PATL2: variants seen among roughly 807,000 people sequenced by gnomAD.
PATL2 encodes protein PAT1 homolog 2.
Under a neutral mutation model 77.0 loss-of-function variants are expected in PATL2, and 73 were observed. That is an observed-to-expected ratio of 0.95 (90% CI 0.78 to 1.15). PATL2 has a LOEUF of 1.15. Among genes scored for constraint, PATL2 ranks in the 50% most tolerant of loss-of-function variants. PATL2 has a pLI of 0.00. For missense variants in PATL2, 618 were observed against 655.4 expected (o/e 0.94, Z 0.62); for synonymous variants, 265 against 257.1 (o/e 1.03, Z -0.29).
chr15:44,710,358 C>T (rs1383302419), intron 2 of PATL2, among the ~76,000 whole-genome samples, 144 bp from the exon 3 acceptor site: 1 of 152,182 alleles, frequency 6.6e-6, no homozygotes, highest in African/African-American at 2.4e-5. Context: ...TCTCACTGTT[C>T]CTCTTAGAAA....
At chr15:44,687,141 G>A (rs1423562006) in intron 3 of PATL2, among the ~76,000 whole-genome samples, 2 of 152,190 alleles carry the variant, frequency 1.3e-5, no homozygotes, top group Non-Finnish European at 2.9e-5. Flanking sequence ...GATGAACATT[G>A]ATGTGAAAGT....
intron 4 of PATL2, 50 bp downstream of exon 4, chr15:44,676,425 C>A (rs1212517315): frequency 1.4e-6 from 2 of 1,470,510 alleles, no homozygotes; most frequent in East Asian, 2.5e-5. Context: ...GACCAGCAAC[C>A]TCTGCATGCT....
At chr15:44,690,909 T>C (rs933031490) in intron 3 of PATL2, among the ~76,000 whole-genome samples, 1 of 152,124 alleles carries the variant, frequency 6.6e-6, no homozygotes, top group Admixed American at 6.5e-5. Context: ...AATTCTTTAC[T>C]TTAGTTAAGT....
chr15:44,703,270 C>A (rs2086667385), intron 3 of PATL2, among the ~76,000 whole-genome samples: 2 of 152,130 alleles, frequency 1.3e-5, no homozygotes, highest in Non-Finnish European at 2.9e-5. Flanking sequence ...AGCAAGACTG[C>A]ATCTCAAAAA....
At chr15:44,675,219 C>T (rs556457982) in intron 5 of PATL2, 15 of 427,732 alleles carry the variant, frequency 3.5e-5, no homozygotes, top group African/African-American at 1.0e-4. Context: ...TCACCTTTAA[C>T]GCTAGTAGCA....
chr15:44,672,532 G>T, intron 7 of PATL2, 76 bp from the exon 8 acceptor site: 2 of 1,411,114 alleles, frequency 1.4e-6, no homozygotes, highest in East Asian at 2.5e-5. Context: ...TTCAGCCCAG[G>T]TCAGCTCTGA....
intron 6 of PATL2, 128 bp downstream of exon 6, chr15:44,674,022 G>T: frequency 1.2e-6 from 1 of 837,612 alleles, no homozygotes; most frequent in Non-Finnish European, 1.9e-6. Flanking sequence ...TCTATGATGG[G>T]GCAACTCCCA....
At chr15:44,675,778 CT>C (rs2085925079) in intron 4 of PATL2, 87 bp from the exon 5 acceptor site, 1 of 1,172,114 alleles carries the variant, frequency 8.5e-7, no homozygotes, top group Admixed American at 2.7e-5. Context: ...AATAGCACTT[CT>C]GTTCATAAGC....
intron 15 of PATL2, among the ~76,000 whole-genome samples, chr15:44,667,842 C>G (rs944662586): frequency 1.3e-5 from 2 of 152,058 alleles, no homozygotes; most frequent in Admixed American, 1.3e-4. Flanking sequence ...ACTTGGGAGG[C>G]TGAGGCAGGA....
At chr15:44,668,810 T>C (rs533963742) in intron 14 of PATL2, among the ~76,000 whole-genome samples, 170 bp downstream of exon 14, 1 of 152,372 alleles carries the variant, frequency 6.6e-6, no homozygotes, top group Non-Finnish European at 1.5e-5. Flanking sequence ...GATGATCCAC[T>C]GTTCCTATAA....
At chr15:44,668,607 C>G in intron 14 of PATL2, 125 bp from the exon 15 acceptor site, 2 of 1,167,982 alleles carry the variant, frequency 1.7e-6, no homozygotes, top group African/African-American at 3.1e-5. Flanking sequence ...ACTTACCAGG[C>G]TTATCACCAC....
chr15:44,673,218 G>T lies in PATL2; in HGVS notation c.446+17C>A. On this transcript the variant is annotated intron_variant, in intron 7 of 17. Coordinates refer to ENST00000682850, the MANE Select transcript of PATL2 (RefSeq NM_001387263.1). ...CAGCACCTCCTGAGACCTCTGGGGA[G>T]AACCTCAAACCAGTACCTGAACCTA... 6.4e-7 allele frequency: 1 copy of T among 1,550,760 alleles called. No homozygotes were observed. The highest frequency in any genetic ancestry group is 1.2e-5 in the South Asian group (1 of 84,010).
intron 3 of PATL2, among the ~76,000 whole-genome samples, chr15:44,706,816 C>G (rs2086747005): frequency 6.6e-6 from 1 of 152,196 alleles, no homozygotes; most frequent in South Asian, 2.1e-4. Context: ...CAAAGCCAGC[C>G]AAGCTTATGT....
chr15:44,686,556 A>G (rs866345814), intron 3 of PATL2, among the ~76,000 whole-genome samples: 2 of 152,190 alleles, frequency 1.3e-5, no homozygotes, highest in African/African-American at 4.8e-5. Context: ...AATAACTAAG[A>G]TCAGAGCTGA....
chr15:44,692,003 T>A (rs2086403629), intron 3 of PATL2, among the ~76,000 whole-genome samples: 1 of 152,128 alleles, frequency 6.6e-6, no homozygotes, highest in Non-Finnish European at 1.5e-5. Flanking sequence ...CAATACAGGA[T>A]TAGGTAAAAA....
intron 3 of PATL2, among the ~76,000 whole-genome samples, chr15:44,708,503 T>C (rs569900762): frequency 6.6e-6 from 1 of 152,246 alleles, no homozygotes; most frequent in South Asian, 2.1e-4. Flanking sequence ...ACTCATCTAC[T>C]TTCTGTCATA....
At chr15:44,691,683 A>T (rs1373520280) in intron 3 of PATL2, among the ~76,000 whole-genome samples, 2 of 151,698 alleles carry the variant, frequency 1.3e-5, no homozygotes, top group African/African-American at 2.4e-5. Context: ...AAATTAAATT[A>T]AATTTAAAAA....
intron 3 of PATL2, among the ~76,000 whole-genome samples, chr15:44,699,773 A>G (rs2141261451): frequency 6.6e-6 from 1 of 152,294 alleles, no homozygotes; most frequent in African/African-American, 2.4e-5. Context: ...TCTCCAATGT[A>G]GGTTTTTGAC....
intron 9 of PATL2, among the ~76,000 whole-genome samples, chr15:44,671,305 A>G (rs2085662868): frequency 6.6e-6 from 1 of 152,128 alleles, no homozygotes; most frequent in Non-Finnish European, 1.5e-5. Flanking sequence ...CCTATCCAAC[A>G]TGGTGAAACC....
Sources: gnomAD v4.1 joint callset for allele counts (sites outside exome capture counted in the v4.1 genomes callset) on GRCh38, gnomAD v4.1.1 for gene constraint, MANE v1.5 for transcripts, NCBI Gene and HGNC (gene_info 2026-07-23, HGNC 2026-07-21) for gene names.